Variants in VASP observed in about 807,000 individuals in gnomAD.
VASP encodes vasodilator-stimulated phosphoprotein.
In VASP, 27 loss-of-function variants were observed where a neutral mutation model predicts 54.4. That is an observed-to-expected ratio of 0.50 (90% CI 0.37 to 0.68). The LOEUF (loss-of-function observed/expected upper bound fraction) is 0.68. Ranked by LOEUF, VASP falls within the 30% of genes least tolerant of loss-of-function variation. VASP has a pLI of 0.00. For missense variants in VASP, 488 were observed against 528.3 expected (o/e 0.92, Z 0.75); for synonymous variants, 233 against 209.8 (o/e 1.11, Z -0.96).
chr19:45,524,840 T>C (rs1287603153), intron 11 of VASP, 180 bp downstream of exon 11: 3 of 583,636 alleles, frequency 5.1e-6, no homozygotes, highest in Non-Finnish European at 9.2e-6. Context: ...CTGGCACCTG[T>C]GACAGACATT....
In VASP at chr19:45,522,815, G is replaced by C; in HGVS notation, c.818G>C (p.Arg273Pro). The change falls in exon 7 of 13, where the codon CGG (arginine) becomes CCG (proline). Residue 273 changes from arginine (R) to proline (P), a missense_variant. This residue lies in a region of VASP where 126 missense variants were observed against 134.8 expected (regional missense o/e 0.94). Transcript: ENST00000245932. ...GAAGAGATGAACGCCATGCTGGCCC[G>C]GAGGTGAGCCTGAGCCTGGACCCCC... The part of the protein sequence containing the change: ...LMEEMNAMLA[R>P]RRKATQVGEK... The C allele has an allele frequency of 6.2e-7, 1 of 1,605,982 alleles. No homozygotes were observed. The highest frequency in any genetic ancestry group is 8.5e-7 in the Non-Finnish European group (1 of 1,177,196).
intron 1 of VASP, among the ~76,000 whole-genome samples, chr19:45,516,597 C>T (rs1968706004): frequency 6.6e-6 from 1 of 152,230 alleles, no homozygotes. Context: ...CCGCATCCCC[C>T]CACTGGCATT....
At chr19:45,516,268 C>G (rs982197832) in intron 1 of VASP, among the ~76,000 whole-genome samples, 5 of 152,222 alleles carry the variant, frequency 3.3e-5, no homozygotes, top group Non-Finnish European at 5.9e-5. Context: ...CATCCCCAGC[C>G]CCACCCAATA....
intron 3 of VASP, 152 bp from the exon 4 acceptor site, chr19:45,521,170 G>T (rs1048353129): frequency 4.0e-6 from 3 of 753,004 alleles, no homozygotes; most frequent in Non-Finnish European, 4.4e-6. Context: ...CCCAATGTGC[G>T]TCCTCCTGGG....
Position 45,524,105 on chromosome 19 carries a change from C to A in VASP, c.919C>A (p.Arg307=). 3 of 1,613,882 alleles carry A rather than the reference C, an allele frequency of 1.9e-6. No individual in the cohort carries two copies. Among genetic ancestry groups the A allele is most frequent in the Non-Finnish European group, 2.5e-6 (3 of 1,180,006 alleles). The change falls in exon 10 of 13, where the codon CGG becomes AGG. Residue 307 remains arginine (R), a synonymous_variant. Coordinates refer to ENST00000245932, the MANE Select transcript of VASP (RefSeq NM_003370.4). ...TTCTTGCCTATCCCCAGAATCTGTG[C>A]GGAGACCCTGGGAGAAGAACAGCAC... ...ARVPAQSESV[R]RPWEKNSTTL...
chr19:45,511,756 CATG>C (rs1266141109), intron 1 of VASP, among the ~76,000 whole-genome samples: 1 of 152,154 alleles, frequency 6.6e-6, no homozygotes, highest in Admixed American at 6.6e-5. Context: ...AATTTCAACC[CATG>C]ATAAGAAAAC....
chr19:45,517,995 T>C lies in VASP; in HGVS notation c.244T>C (p.Trp82Arg). ...YNQATPNFHQ[W>R]RDARQVWGLN... ...CCAGGCCACCCCCAACTTCCATCAG[T>C]GGCGCGACGCTCGCCAGGTCTGGGG... The change falls in exon 3 of 13, where the codon TGG (tryptophan) becomes CGG (arginine). Residue 82 changes from tryptophan (W) to arginine (R), a missense_variant. Physicochemically the swap from Trp to Arg is moderately radical, Grantham distance 101. Around this residue, in one of 4 missense-constraint regions of VASP, gnomAD observed 127 missense variants for 170.7 expected, o/e 0.74. Coordinates refer to ENST00000245932, the MANE Select transcript of VASP (RefSeq NM_003370.4). 1 of 1,613,710 alleles carries C rather than the reference T, an allele frequency of 6.2e-7. No homozygotes were observed. The highest frequency in any genetic ancestry group is 8.5e-7 in the Non-Finnish European group (1 of 1,179,936).
intron 1 of VASP, among the ~76,000 whole-genome samples, chr19:45,516,734 C>T (rs183747166): frequency 6.6e-6 from 1 of 152,018 alleles, no homozygotes; most frequent in African/African-American, 2.4e-5. Flanking sequence ...TGTGGTGGCT[C>T]ACCCCTGTAA....
At chr19:45,519,447 T>C (rs1432597508) in intron 3 of VASP, among the ~76,000 whole-genome samples, 1 of 151,508 alleles carries the variant, frequency 6.6e-6, no homozygotes, top group Non-Finnish European at 1.5e-5. Context: ...TCTGGCCACC[T>C]GGATCATTTC....
At chr19:45,521,271 C>A in intron 3 of VASP, 51 bp from the exon 4 acceptor site, 1 of 1,506,884 alleles carries the variant, frequency 6.6e-7, no homozygotes, top group Non-Finnish European at 9.0e-7. Context: ...GCGCCAAGAG[C>A]TGAGCAGAGT....
At chr19:45,510,505 C>T (rs1345817635) in intron 1 of VASP, among the ~76,000 whole-genome samples, 1 of 152,116 alleles carries the variant, frequency 6.6e-6, no homozygotes, top group African/African-American at 2.4e-5. Context: ...TTATTACAGA[C>T]GTCAGCCACC....
chr19:45,521,494 G>GTT, intron 4 of VASP, 88 bp downstream of exon 4: 1 of 1,220,532 alleles, frequency 8.2e-7, no homozygotes, highest in Non-Finnish European at 1.1e-6. Flanking sequence ...TCAGAACCCA[G>GTT]CCAACTTGCA....
rs2122309293 is a variant in VASP, at chr19:45,517,596, G to T, written c.6-67G>T. The T allele has an allele frequency of 2.6e-6, 4 of 1,555,114 alleles. No homozygotes were observed. In the East Asian group the frequency reaches 9.0e-5, roughly 35 times the overall value. ...CTTCCACACACTGTCTTTGTCCCTTGGAATCTCCCAGGAGAGACCCAGATA... is the reference window on the plus strand; with the variant it reads ...CTTCCACACACTGTCTTTGTCCCTTTGAATCTCCCAGGAGAGACCCAGATA... On this transcript the variant is annotated intron_variant, in intron 1 of 12. Transcript: ENST00000245932.
intron 3 of VASP, among the ~76,000 whole-genome samples, chr19:45,519,721 G>A (rs1599935475): frequency 1.3e-5 from 2 of 148,806 alleles, no homozygotes; most frequent in Non-Finnish European, 1.5e-5. Flanking sequence ...TCAGCCTCCC[G>A]AGTAGCTGGG....
chr19:45,523,190 ATTTTTTTTTT>A (rs61288703), intron 7 of VASP, among the ~76,000 whole-genome samples: 12 of 74,700 alleles, frequency 1.6e-4, no homozygotes, highest in South Asian at 4.4e-4. Context: ...AATCTCTTGA[ATTTTTTTTTT>A]TTTTTTTTTT....
At position 45,521,332 on chromosome 19, in the gene VASP, C is replaced by T. The variant is rs1355810396; in HGVS notation, c.354C>T (p.Pro118=). The part of the protein sequence containing the change: ...SALEALEGGG[P]PPPPALPTWS... ...TCTCTCACCTTTCAGGAGGTGGGCC[C>T]CCTCCACCCCCAGCACTTCCCACCT... The change falls in exon 4 of 13, where the codon CCC becomes CCT. Residue 118 remains proline, a synonymous_variant. Transcript: ENST00000245932. The T allele has an allele frequency of 1.9e-6, 3 of 1,577,046 alleles. No individual in the cohort carries two copies. Among genetic ancestry groups the T allele is most frequent in the Admixed American group, 3.7e-5 (2 of 54,372 alleles).
intron 1 of VASP, 82 bp from the exon 2 acceptor site, chr19:45,517,581 C>T (rs1382983856): frequency 1.3e-6 from 2 of 1,525,732 alleles, no homozygotes; most frequent in East Asian, 4.5e-5. Context: ...CTTCCACACA[C>T]TGTCTTTGTC....
chr19:45,525,969 G>A lies in VASP; in HGVS notation c.1071G>A (p.Lys357=), dbSNP rs200614526. The part of the protein sequence containing the change: ...VKQELLEEVK[K]ELQKVKEEII... ...AGGAGCTTCTGGAAGAGGTGAAGAA[G>A]GAATTGCAGAAAGTGAAAGAGGAAA... Residue 357 remains lysine (K), a synonymous_variant, in exon 12 of 13, where the codon AAG becomes AAA. Coordinates refer to ENST00000245932, the MANE Select transcript of VASP (RefSeq NM_003370.4). 1.9e-6 allele frequency: 3 copies of A among 1,614,132 alleles called. No individual in the cohort carries two copies. In the African/African-American group the frequency reaches 4.0e-5, roughly 22 times the overall value.
At chr19:45,513,945 C>T (rs1276493646) in intron 1 of VASP, among the ~76,000 whole-genome samples, 1 of 152,220 alleles carries the variant, frequency 6.6e-6, no homozygotes. Flanking sequence ...TCTGGGGACA[C>T]AGCAGTGAAC....
Sources: allele counts gnomAD v4.1 joint callset (sites outside exome capture counted in the v4.1 genomes callset), GRCh38; gene constraint gnomAD v4.1.1; regional missense constraint gnomAD v4.1.1; transcripts MANE v1.5; gene names NCBI Gene and HGNC (gene_info 2026-07-23, HGNC 2026-07-21).